KCTD16: variants seen among roughly 807,000 people sequenced by gnomAD.
The protein encoded by KCTD16 is BTB/POZ domain-containing protein KCTD16.
A neutral mutation model predicts 33.2 loss-of-function variants in KCTD16; 13 were observed. The observed-to-expected ratio is 0.39, with a 90% CI of 0.25 to 0.62. KCTD16 has a LOEUF of 0.62. Ranked by LOEUF, KCTD16 falls within the 20% of genes least tolerant of loss-of-function variation. KCTD16 has a pLI of 0.50. For missense variants in KCTD16, 441 were observed against 525.1 expected, an observed-to-expected ratio of 0.84 and a Z score of 1.57; for synonymous variants, 197 against 195.3, an observed-to-expected ratio of 1.01 and a Z score of -0.07.
At chr5:144,189,711 C>T (rs942644639) in intron 2 of KCTD16, among the ~76,000 whole-genome samples, 2 of 152,130 alleles carry the variant, frequency 1.3e-5, no homozygotes, top group African/African-American at 2.4e-5. Context: ...TATCACAATA[C>T]ACATGCCCTT....
intron 3 of KCTD16, among the ~76,000 whole-genome samples, chr5:144,388,708 G>GTT (rs1266192699): frequency 1.3e-5 from 2 of 152,126 alleles, no homozygotes; most frequent in Non-Finnish European, 2.9e-5. Flanking sequence ...ATTAAGCCCT[G>GTT]TTACTCTTTG....
chr5:144,205,848 A>G (rs1303231622), intron 2 of KCTD16: 1 of 326,084 alleles, frequency 3.1e-6, no homozygotes, highest in Non-Finnish European at 5.5e-6. Flanking sequence ...ACAAATAGGC[A>G]TTTATATAAA....
intron 3 of KCTD16, chr5:144,383,246 T>G (rs1752253776): frequency 6.6e-6 from 1 of 152,192 alleles, no homozygotes; most frequent in South Asian, 2.1e-4. Flanking sequence ...AAACTGTACT[T>G]ACTGGGCAAG....
chr5:144,385,955 T>C (rs952656220), intron 3 of KCTD16, among the ~76,000 whole-genome samples: 1 of 152,178 alleles, frequency 6.6e-6, no homozygotes, highest in African/African-American at 2.4e-5. Context: ...ATTAAAAATA[T>C]TCATGGTAGA....
At chr5:144,264,021 C>A (rs1199723925) in intron 3 of KCTD16, among the ~76,000 whole-genome samples, 1 of 152,210 alleles carries the variant, frequency 6.6e-6, no homozygotes, top group African/African-American at 2.4e-5. Flanking sequence ...CTCCCAAGAG[C>A]TCCATCTCCT....
At chr5:144,329,591 A>G (rs1752301531) in intron 3 of KCTD16, among the ~76,000 whole-genome samples, 1 of 152,250 alleles carries the variant, frequency 6.6e-6, no homozygotes, top group East Asian at 1.9e-4. Context: ...TCTATTATGT[A>G]CCAAAACAGC....
At chr5:144,197,742 C>T (rs1462275268) in intron 2 of KCTD16, among the ~76,000 whole-genome samples, 1 of 152,208 alleles carries the variant, frequency 6.6e-6, no homozygotes, top group East Asian at 1.9e-4. Flanking sequence ...TGATCCGCTG[C>T]TGGTTACTTA....
Position 144,478,528 on chromosome 5 carries a change from T to C in KCTD16, c.*4414T>C, listed in dbSNP as rs1754640764. 1 of 152,104 alleles carries C rather than the reference T, an allele frequency of 6.6e-6. No individual in the cohort carries two copies. The highest frequency in any genetic ancestry group is 2.4e-5 in the African/African-American group (1 of 41,456). 9.4% of individuals were successfully genotyped at this position (152,104 alleles called of 1,614,324 possible). ...TAATACTCAGTATGCACAAAAATCATGTGTAGCACTTGTAAAAATGCAGAT... is the reference window on the plus strand; with the variant it reads ...TAATACTCAGTATGCACAAAAATCACGTGTAGCACTTGTAAAAATGCAGAT... On this transcript the variant is annotated 3_prime_UTR_variant, in exon 4 of 4. Coordinates refer to ENST00000512467, the MANE Select transcript of KCTD16 (RefSeq NM_020768.4).
rs938537251 is a variant in KCTD16, at chr5:144,479,375, A to G, written c.*5261A>G. The G allele has an allele frequency of 1.5e-3, 221 of 151,290 alleles. 5 individuals carry two copies. Among genetic ancestry groups the G allele is most frequent in the African/African-American group, 4.9e-3 (204 of 41,412 alleles). 9.4% of individuals were successfully genotyped at this position (151,290 alleles called of 1,614,324 possible). A position where few individuals can be genotyped will look rare whatever the true frequency, so the allele number is the denominator to read the frequency against. The stretch of plus-strand genomic sequence containing the variant: ...GTGTAAGAATAAATGCAAAAAAAAA[A>G]AAAAAAGAAAAAGAAAAAGAAAGCA... On this transcript the variant is annotated 3_prime_UTR_variant, in exon 4 of 4. Transcript: ENST00000512467.
chr5:144,268,362 G>A (rs1186876618), intron 3 of KCTD16, among the ~76,000 whole-genome samples: 1 of 152,130 alleles, frequency 6.6e-6, no homozygotes, highest in Non-Finnish European at 1.5e-5. Context: ...GACCTCTAAG[G>A]GATTTAAAGG....
chr5:144,443,029 C>A (rs1409223060), intron 3 of KCTD16, among the ~76,000 whole-genome samples: 2 of 152,064 alleles, frequency 1.3e-5, no homozygotes, highest in Non-Finnish European at 2.9e-5. Context: ...CAAGATAGAA[C>A]TTGTCAAAAT....
intron 3 of KCTD16, among the ~76,000 whole-genome samples, chr5:144,229,949 G>A (rs1030285198): frequency 1.2e-4 from 19 of 152,148 alleles, no homozygotes; most frequent in Middle Eastern, 3.4e-3. Context: ...TGAAACCAGC[G>A]TGGCCAACAT....
At chr5:144,429,193 A>T (rs1753401494) in intron 3 of KCTD16, among the ~76,000 whole-genome samples, 1 of 152,120 alleles carries the variant, frequency 6.6e-6, no homozygotes, top group Admixed American at 6.6e-5. Flanking sequence ...TTTATCAAGC[A>T]CTGATTTGGG....
chr5:144,412,799 T>A (rs1458094583), intron 3 of KCTD16, among the ~76,000 whole-genome samples: 2 of 151,702 alleles, frequency 1.3e-5, no homozygotes, highest in Non-Finnish European at 2.9e-5. Context: ...GGCACGAGAG[T>A]CGCTTGAACC....
chr5:144,329,923 G>T (rs981336568), intron 3 of KCTD16, among the ~76,000 whole-genome samples: 4 of 152,178 alleles, frequency 2.6e-5, no homozygotes, highest in Admixed American at 6.6e-5. Context: ...CTCATAGGTG[G>T]TTTTGATGTC....
At chr5:144,467,051 AACACTATAT>A (rs577886886) in intron 3 of KCTD16, among the ~76,000 whole-genome samples, 1 of 59,596 alleles carries the variant, frequency 1.7e-5, no homozygotes, top group African/African-American at 5.0e-5. Flanking sequence ...TAATATATAT[AACACTATAT>A]GTATTATATA....
At chr5:144,212,846 T>G (rs899988192) in intron 3 of KCTD16, among the ~76,000 whole-genome samples, 3 of 152,156 alleles carry the variant, frequency 2.0e-5, no homozygotes, top group Admixed American at 1.3e-4. Flanking sequence ...CATAATGAAC[T>G]TTCATGTAAC....
In KCTD16 at chr5:144,474,318, G is replaced by A. The variant is rs1754548220; in HGVS notation, c.*204G>A. The A allele has an allele frequency of 3.8e-6, 2 of 526,004 alleles. No homozygotes were observed. Among genetic ancestry groups the A allele is most frequent in the South Asian group, 5.0e-5 (2 of 40,012 alleles). The allele number at this position is 526,004 out of a possible 1,614,324, so 32.6% of individuals were successfully genotyped here. ...GGTAGATTTCTTTCTAGATGTGGAAGTACAAGAAAATCTTTTTTAGTTATT... is the reference window on the plus strand; with the variant it reads ...GGTAGATTTCTTTCTAGATGTGGAAATACAAGAAAATCTTTTTTAGTTATT... On this transcript the variant is annotated 3_prime_UTR_variant, in exon 4 of 4. Coordinates refer to ENST00000512467, the MANE Select transcript of KCTD16 (RefSeq NM_020768.4).
intron 3 of KCTD16, among the ~76,000 whole-genome samples, chr5:144,321,989 GA>G (rs1294760066): frequency 6.6e-6 from 1 of 151,872 alleles, no homozygotes; most frequent in Non-Finnish European, 1.5e-5. Flanking sequence ...AAGGAGTAAA[GA>G]AAAAATACAG....
Sources: gnomAD v4.1 joint callset for allele counts (sites outside exome capture counted in the v4.1 genomes callset) on GRCh38, gnomAD v4.1.1 for gene constraint, MANE v1.5 for transcripts, NCBI Gene and HGNC (gene_info 2026-07-23, HGNC 2026-07-21) for gene names.